The following BBX variants were observed in gnomAD, a reference collection of about 807,000 sequenced individuals.
BBX encodes HMG box transcription factor BBX.
In BBX, 30 loss-of-function variants were observed where a neutral mutation model predicts 100.2. The ratio of observed to expected loss-of-function variants is 0.30; its 90% CI spans 0.22 to 0.41. BBX has a LOEUF of 0.41. BBX is among the 10% of genes least tolerant of loss of function. BBX has a pLI of 1.00. For missense variants in BBX, 1,023 were observed against 1,129.8 expected, an observed-to-expected ratio of 0.91 and a Z score of 1.35; for synonymous variants, 376 against 388.1, an observed-to-expected ratio of 0.97 and a Z score of 0.37.
rs768452882 is a variant in BBX, at chr3:107,791,115, T to G, written c.2294-125T>G. On this transcript the variant is annotated intron_variant, in intron 14 of 17. Transcript: ENST00000325805. ...CATTTTAAGAATTAAGTAATTGACATAAAATTCAGCTTTATTTGTGTGATG... is the reference window on the plus strand; with the variant it reads ...CATTTTAAGAATTAAGTAATTGACAGAAAATTCAGCTTTATTTGTGTGATG... 5 of 691,598 alleles carry G rather than the reference T, an allele frequency of 7.2e-6. No homozygotes were observed. The African/African-American group carries it at 8.9e-5, about 12-fold the overall frequency. The allele number at this position is 691,598 out of a possible 1,614,324, so 42.8% of individuals were successfully genotyped here.
At chr3:107,736,876 A>T (rs1180000041) in intron 7 of BBX, among the ~76,000 whole-genome samples, 1 of 152,112 alleles carries the variant, frequency 6.6e-6, no homozygotes, top group Non-Finnish European at 1.5e-5. Flanking sequence ...AGTTAGTCAG[A>T]TTAATTATAG....
At chr3:107,677,088 CTCA>C (rs765523583) in intron 3 of BBX, among the ~76,000 whole-genome samples, 3 of 151,968 alleles carry the variant, frequency 2.0e-5, no homozygotes, top group Non-Finnish European at 4.4e-5. Context: ...ATACTGCCCA[CTCA>C]TCATAGGAAA....
intron 3 of BBX, among the ~76,000 whole-genome samples, chr3:107,694,872 C>A (rs1291312535): frequency 3.3e-5 from 5 of 151,432 alleles, no homozygotes; most frequent in East Asian, 1.9e-4. Flanking sequence ...ACAATTTCAG[C>A]TCCTGTTATT....
intron 3 of BBX, among the ~76,000 whole-genome samples, chr3:107,658,668 T>C (rs2058276536): frequency 6.6e-6 from 1 of 152,110 alleles, no homozygotes; most frequent in Admixed American, 6.6e-5. Flanking sequence ...TAATGATGAT[T>C]ATGATTAAAA....
At chr3:107,583,937 A>AAAGTATAAAGTATAAATTATACT (rs2052477136) in intron 2 of BBX, among the ~76,000 whole-genome samples, 2 of 102,658 alleles carry the variant, frequency 1.9e-5, no homozygotes, top group African/African-American at 8.1e-5. Flanking sequence ...TAATATATAT[A>AAAGTATAAAGTATAAATTATACT]TTATATATAT....
At chr3:107,631,156 C>CT (rs2056521334) in intron 2 of BBX, among the ~76,000 whole-genome samples, 4 of 152,208 alleles carry the variant, frequency 2.6e-5, no homozygotes, top group Admixed American at 6.5e-5. Flanking sequence ...TCCTAATCAC[C>CT]TGGACAGGAG....
chr3:107,797,368 T>TATATA (rs1553699340), intron 15 of BBX, among the ~76,000 whole-genome samples: 1 of 48,708 alleles, frequency 2.1e-5, no homozygotes, highest in African/African-American at 8.5e-5. Flanking sequence ...ATATATAGCT[T>TATATA]TATTGCCAAT....
chr3:107,544,765 G>A (rs1299072731), intron 2 of BBX, among the ~76,000 whole-genome samples: 2 of 151,348 alleles, frequency 1.3e-5, no homozygotes, highest in African/African-American at 4.9e-5. Flanking sequence ...CAGCACTTTG[G>A]GCGGCCAAGG....
chr3:107,705,053 G>T (rs1341599489), intron 3 of BBX, among the ~76,000 whole-genome samples: 2 of 152,144 alleles, frequency 1.3e-5, no homozygotes, highest in Non-Finnish European at 2.9e-5. Context: ...GGTGTGATTT[G>T]AAAGTCCCAG....
intron 12 of BBX, among the ~76,000 whole-genome samples, chr3:107,777,213 TTCAGTACCA>T (rs2067390396): frequency 2.0e-5 from 3 of 152,208 alleles, no homozygotes; most frequent in African/African-American, 7.2e-5. Context: ...ATATGTAAGG[TTCAGTACCA>T]TCAGCGGTTT....
At chr3:107,598,641 A>T (rs2053833200) in intron 2 of BBX, among the ~76,000 whole-genome samples, 1 of 152,218 alleles carries the variant, frequency 6.6e-6, no homozygotes. Context: ...ACAGAAAATG[A>T]AACTAGAGAG....
chr3:107,796,095 C>G (rs2069631480), intron 15 of BBX, among the ~76,000 whole-genome samples: 1 of 152,138 alleles, frequency 6.6e-6, no homozygotes, highest in African/African-American at 2.4e-5. Context: ...CTAATACAGT[C>G]CAACCTCCAT....
chr3:107,801,755 C>A (rs2070510214), intron 17 of BBX, among the ~76,000 whole-genome samples: 1 of 152,068 alleles, frequency 6.6e-6, no homozygotes, highest in Admixed American at 6.5e-5. Context: ...GTGTGGAATG[C>A]CCCTTATTGG....
chr3:107,788,029 A>G (rs981273602), intron 13 of BBX, among the ~76,000 whole-genome samples: 2 of 152,168 alleles, frequency 1.3e-5, no homozygotes, highest in Admixed American at 1.3e-4. Flanking sequence ...ATAGTATAAG[A>G]TTGCTGACTT....
chr3:107,583,435 T>C (rs1283682315), intron 2 of BBX, among the ~76,000 whole-genome samples: 4 of 152,018 alleles, frequency 2.6e-5, no homozygotes, highest in Non-Finnish European at 5.9e-5. Context: ...AGGAACAAAC[T>C]GAGTGACTGA....
intron 10 of BBX, among the ~76,000 whole-genome samples, chr3:107,763,986 G>A (rs911320490): frequency 6.6e-5 from 10 of 152,172 alleles, no homozygotes; most frequent in African/African-American, 2.4e-4. Context: ...CATTGTTTTT[G>A]TTGCTGCTGC....
At chr3:107,713,598 T>G (rs1262012825) in intron 4 of BBX, among the ~76,000 whole-genome samples, 3 of 152,224 alleles carry the variant, frequency 2.0e-5, no homozygotes, top group Non-Finnish European at 4.4e-5. Flanking sequence ...TTACATTAAA[T>G]AGCAATTAAA....
chr3:107,772,346 C>G (rs1231424521), intron 10 of BBX, among the ~76,000 whole-genome samples: 1 of 152,158 alleles, frequency 6.6e-6, no homozygotes, highest in Non-Finnish European at 1.5e-5. Flanking sequence ...GAATCCCTTC[C>G]TCCTTCTTCC....
intron 2 of BBX, among the ~76,000 whole-genome samples, chr3:107,536,654 A>T (rs1447921387): frequency 6.6e-6 from 1 of 152,110 alleles, no homozygotes; most frequent in African/African-American, 2.4e-5. Context: ...TATTCGAAGA[A>T]CTTTTTCCAA....
Sources: gnomAD v4.1 joint callset for allele counts (sites outside exome capture counted in the v4.1 genomes callset) on GRCh38, gnomAD v4.1.1 for gene constraint, MANE v1.5 for transcripts, NCBI Gene and HGNC (gene_info 2026-07-23, HGNC 2026-07-21) for gene names.